Variants in PHF8 observed in about 807,000 individuals in gnomAD.
PHF8 encodes histone lysine demethylase PHF8.
A neutral mutation model predicts 74.4 loss-of-function variants in PHF8; 9 were observed. The observed-to-expected ratio is 0.12, with a 90% CI of 0.07 to 0.21. PHF8 has a LOEUF of 0.21. Ranked by LOEUF, PHF8 falls within the 10% of genes least tolerant of loss-of-function variation. The pLI is 1.00. For synonymous variants in PHF8, 311 were observed against 316.6 expected (o/e 0.98, Z 0.19); for missense variants, 478 against 816.6 (o/e 0.59, Z 5.05).
In PHF8 at chrX:53,958,985, A is replaced by G. The variant is rs782196348; in HGVS notation, c.2539+3859T>C. Among the ~76,000 whole-genome samples the G allele has an allele frequency of 2.2e-3, 247 of 110,381 alleles. 1 individual carries two copies. The highest frequency in any genetic ancestry group is 3.3e-3 in the Non-Finnish European group (172 of 52,909). On this transcript the variant is annotated intron_variant, in intron 19 of 21. Transcript: ENST00000338154. Reference sequence around the variant, plus strand: ...AAAGATATTGACTCCAAATGTACTAATTGTAAAAACTTGAAAATAGCCTAT... The same window carrying G: ...AAAGATATTGACTCCAAATGTACTAGTTGTAAAAACTTGAAAATAGCCTAT...
chrX:54,044,932 C>T (rs1557117121), upstream of PHF8: 1 of 1,112,043 alleles, frequency 9.0e-7, no homozygotes, highest in East Asian at 3.3e-5. Flanking sequence ...ACGGTCTCTG[C>T]GTTGTTGGTT....
chrX:54,043,971 G>A lies in PHF8; in HGVS notation c.-302C>T. 1.3e-6 allele frequency: 1 copy of A among 754,894 alleles called. No homozygotes were observed. Among genetic ancestry groups the A allele is most frequent in the Non-Finnish European group, 1.6e-6 (1 of 639,350 alleles). 62.2% of individuals were successfully genotyped at this position (754,894 alleles called of 1,213,427 possible). A position where few individuals can be genotyped will look rare whatever the true frequency, so the allele number is the denominator to read the frequency against. On this transcript the variant is annotated 5_prime_UTR_variant, in exon 1 of 22. Coordinates refer to ENST00000338154, the MANE Select transcript of PHF8 (RefSeq NM_015107.3). ...CAGCGGAGGCTCGTCCGGTAGTTCC[G>A]GCCCCTACGGCGACGCGCGTCGAAT...
chrX:53,948,161 G>A (rs2064859926), intron 19 of PHF8, among the ~76,000 whole-genome samples: 1 of 112,152 alleles, frequency 8.9e-6, no homozygotes, highest in Admixed American at 9.5e-5. Context: ...ACCTATAAAA[G>A]ATATTTTGTG....
In PHF8 at chrX:53,992,822, G is replaced by A. The variant is rs1557101754; in HGVS notation, c.1644C>T (p.Ala548=). ...FQKAKFNITG[A]CLNDSDDDSP... is the part of the protein sequence containing the mutation. ...AGTCGTCATCTGAGTCATTCAAGCA[G>A]GCACCAGTGATGTTGAACTGTAGAA... Residue 548 remains alanine (A), a synonymous_variant, in exon 14 of 22, where the codon GCC becomes GCT. Coordinates refer to ENST00000338154, the MANE Select transcript of PHF8 (RefSeq NM_015107.3). 2.3e-5 allele frequency: 27 copies of A among 1,195,576 alleles called. No homozygotes were observed. The highest frequency in any genetic ancestry group is 3.1e-5 in the Non-Finnish European group (27 of 881,738).
At chrX:53,979,044 G>A (rs2065434790) in intron 18 of PHF8, among the ~76,000 whole-genome samples, 1 of 110,905 alleles carries the variant, frequency 9.0e-6, no homozygotes, top group African/African-American at 3.3e-5. Context: ...ATATAAACAT[G>A]TGTATACCAA....
At chrX:54,018,474 A>G (rs1369377771) in intron 4 of PHF8, among the ~76,000 whole-genome samples, 1 of 101,891 alleles carries the variant, frequency 9.8e-6, no homozygotes, top group Non-Finnish European at 2.0e-5. Context: ...TTTTTTTTTT[A>G]AAGAAAAGAA....
Position 54,044,236 on chromosome X carries a change from C to T in PHF8, c.-567G>A. Reference sequence around the variant, plus strand: ...CAGGAGATACTCGCGAGCAAACCAACGGGGAAAGAGATGAACCGGCCGCCA... The same window carrying T: ...CAGGAGATACTCGCGAGCAAACCAATGGGGAAAGAGATGAACCGGCCGCCA... On this transcript the variant is annotated 5_prime_UTR_variant, in exon 1 of 22. Transcript: ENST00000338154. The T allele has an allele frequency of 1.3e-6, 1 of 754,979 alleles. No individual in the cohort carries two copies. Among genetic ancestry groups the T allele is most frequent in the Non-Finnish European group, 1.6e-6 (1 of 639,401 alleles). 62.2% of individuals were successfully genotyped at this position (754,979 alleles called of 1,213,427 possible). A position where few individuals can be genotyped will look rare whatever the true frequency, so the allele number is the denominator to read the frequency against.
chrX:53,976,312 T>C (rs191947724), intron 18 of PHF8, among the ~76,000 whole-genome samples: 18 of 105,944 alleles, frequency 1.7e-4, no homozygotes. Context: ...CTCAAAAAAA[T>C]AAAATAAAAT....
intron 4 of PHF8, among the ~76,000 whole-genome samples, chrX:54,021,670 G>A (rs1251160451): frequency 3.7e-5 from 4 of 106,919 alleles, no homozygotes; most frequent in Admixed American, 2.0e-4. Flanking sequence ...GGGTTTCACC[G>A]TTTTAGCCGG....
intron 18 of PHF8, among the ~76,000 whole-genome samples, chrX:53,965,155 G>A (rs972943601): frequency 7.2e-5 from 8 of 111,504 alleles, no homozygotes; most frequent in Admixed American, 4.7e-4. Flanking sequence ...GAACATGCAC[G>A]TGCACGTGTG....
intron 14 of PHF8, among the ~76,000 whole-genome samples, chrX:53,991,077 A>G (rs2065652403): frequency 1.8e-5 from 2 of 111,891 alleles, no homozygotes; most frequent in Admixed American, 1.9e-4. Flanking sequence ...TATAATGAGG[A>G]CACTGAAGCT....
chrX:54,029,489 T>A (rs2066319821), intron 2 of PHF8, among the ~76,000 whole-genome samples: 1 of 112,438 alleles, frequency 8.9e-6, no homozygotes, highest in Non-Finnish European at 1.9e-5. Context: ...AAATGAAAAG[T>A]GGGAGCTCCC....
chrX:53,986,344 C>A (rs1406407829), intron 16 of PHF8, among the ~76,000 whole-genome samples: 1 of 112,390 alleles, frequency 8.9e-6, no homozygotes, highest in Non-Finnish European at 1.9e-5. Flanking sequence ...TGGGTTCAAG[C>A]GATTCTTCGG....
intron 2 of PHF8, among the ~76,000 whole-genome samples, chrX:54,040,881 G>T (rs1356447946): frequency 8.9e-6 from 1 of 112,103 alleles, no homozygotes; most frequent in African/African-American, 3.2e-5. Context: ...CTTATTTTCA[G>T]GGCAAAGGAA....
In PHF8 at chrX:53,938,029, T is replaced by A. The variant is rs2064692753; in HGVS notation, c.*1129A>T. 2 of 1,165,572 alleles carry A rather than the reference T, an allele frequency of 1.7e-6. No individual in the cohort carries two copies. The highest frequency in any genetic ancestry group is 6.5e-5 in the East Asian group (2 of 30,675). On this transcript the variant is annotated 3_prime_UTR_variant, in exon 22 of 22. Transcript: ENST00000338154. The stretch of plus-strand genomic sequence containing the variant: ...TCAACTTGGGCTCGTGAATGGCCTG[T>A]CTGCATTCTGCTTGAACGATGACCT...
At chrX:53,980,034 T>G (rs1034975946) in intron 18 of PHF8, among the ~76,000 whole-genome samples, 1 of 110,693 alleles carries the variant, frequency 9.0e-6, no homozygotes, top group African/African-American at 3.3e-5. Flanking sequence ...TCTATGAGAG[T>G]AGTCTAACAG....
intron 18 of PHF8, among the ~76,000 whole-genome samples, chrX:53,967,034 G>A (rs1260948771): frequency 1.0e-4 from 11 of 107,511 alleles, no homozygotes; most frequent in African/African-American, 3.4e-4. Flanking sequence ...CCCTCCGCCC[G>A]GCAGCTGCCC....
chrX:53,978,797 CAAA>C (rs34127297), intron 18 of PHF8, among the ~76,000 whole-genome samples: 2 of 42,870 alleles, frequency 4.7e-5, no homozygotes, highest in East Asian at 8.3e-4. Flanking sequence ...GGCTCCATCT[CAAA>C]AAAAAAAAAA....
intron 2 of PHF8, among the ~76,000 whole-genome samples, chrX:54,027,699 T>A (rs2146474776): frequency 9.0e-6 from 1 of 111,530 alleles, no homozygotes; most frequent in African/African-American, 3.3e-5. Context: ...CCTTGACTTC[T>A]ATAACGTCCC....
Sources: gnomAD v4.1 joint callset for allele counts (sites outside exome capture counted in the v4.1 genomes callset) on GRCh38, gnomAD v4.1.1 for gene constraint, MANE v1.5 for transcripts, NCBI Gene and HGNC (gene_info 2026-07-23, HGNC 2026-07-21) for gene names.